The following ZCCHC24 variants were observed in gnomAD, a reference collection of about 807,000 sequenced individuals.
ZCCHC24 encodes the protein zinc finger CCHC-type containing 24, also known as zinc finger CCHC domain-containing protein 24.
A neutral mutation model predicts 26.2 loss-of-function variants in ZCCHC24; 10 were observed. The ratio of observed to expected loss-of-function variants is 0.38; its 90% CI spans 0.24 to 0.65. The LOEUF (loss-of-function observed/expected upper bound fraction) is 0.65, where lower values mean the gene tolerates loss of function less well. Ranked by LOEUF, ZCCHC24 falls within the 30% of genes least tolerant of loss-of-function variation. ZCCHC24 has a pLI of 0.54. For missense variants in ZCCHC24, 243 were observed against 329.1 expected, an observed-to-expected ratio of 0.74 and a Z score of 2.03; for synonymous variants, 144 against 147.1, an observed-to-expected ratio of 0.98 and a Z score of 0.15.
At chr10:79,433,641 A>C (rs1039365199) in intron 1 of ZCCHC24, among the ~76,000 whole-genome samples, 6 of 152,318 alleles carry the variant, frequency 3.9e-5, no homozygotes, top group African/African-American at 1.4e-4. Flanking sequence ...AGGGTCAACA[A>C]CAAATCTGGG....
At chr10:79,434,042 C>T (rs1236947624) in intron 1 of ZCCHC24, among the ~76,000 whole-genome samples, 1 of 152,226 alleles carries the variant, frequency 6.6e-6, no homozygotes, top group Non-Finnish European at 1.5e-5. Flanking sequence ...AGACATGGTC[C>T]TCATCATCTG....
chr10:79,405,547 G>A (rs999681150), intron 2 of ZCCHC24, among the ~76,000 whole-genome samples: 2 of 152,252 alleles, frequency 1.3e-5, no homozygotes, highest in Non-Finnish European at 2.9e-5. Flanking sequence ...CACCCTGGAC[G>A]GCTGTCTTGA....
At chr10:79,433,276 T>C (rs1857161591) in intron 1 of ZCCHC24, among the ~76,000 whole-genome samples, 1 of 152,220 alleles carries the variant, frequency 6.6e-6, no homozygotes, top group African/African-American at 2.4e-5. Flanking sequence ...TGCTCCCGCT[T>C]CACACTAGAC....
rs1050301980 is a variant in ZCCHC24, at chr10:79,382,640, G to C, written c.*3705C>G. On this transcript the variant is annotated 3_prime_UTR_variant, in exon 4 of 4. Coordinates refer to ENST00000372336, the MANE Select transcript of ZCCHC24 (RefSeq NM_153367.4). ...GCCACAGCCCCCAGGGGACCGCTTG[G>C]CCATCTCGCTGAAGGCTGGAACACC... is the stretch of plus-strand genomic sequence containing the variant. The C allele has an allele frequency of 6.5e-6, 1 of 152,888 alleles. No individual in the cohort carries two copies. The highest frequency in any genetic ancestry group is 2.4e-5 in the African/African-American group (1 of 41,472). The allele number at this position is 152,888 out of a possible 1,614,324, so 9.5% of individuals were successfully genotyped here.
At chr10:79,396,489 C>T (rs1014005819) in intron 2 of ZCCHC24, among the ~76,000 whole-genome samples, 33 of 152,210 alleles carry the variant, frequency 2.2e-4, no homozygotes, top group African/African-American at 7.5e-4. Context: ...CACCTCTGCT[C>T]CCACCAACTA....
chr10:79,445,124 C>T, intron 1 of ZCCHC24, 71 bp downstream of exon 1: 2 of 1,170,664 alleles, frequency 1.7e-6, no homozygotes, highest in Non-Finnish European at 2.1e-6. Flanking sequence ...GCGGGTCAGA[C>T]AGGGAACGGC....
chr10:79,402,018 AG>A (rs1378275102), intron 2 of ZCCHC24, among the ~76,000 whole-genome samples: 1 of 152,194 alleles, frequency 6.6e-6, no homozygotes, highest in Non-Finnish European at 1.5e-5. Flanking sequence ...CAGAGGCCAC[AG>A]GGGTGGGGCA....
At chr10:79,442,697 C>T (rs973861583) in intron 1 of ZCCHC24, among the ~76,000 whole-genome samples, 1 of 152,362 alleles carries the variant, frequency 6.6e-6, no homozygotes, top group African/African-American at 2.4e-5. Flanking sequence ...CCGGCCCACA[C>T]ACGACTTGCT....
At position 79,425,560 on chromosome 10, in the gene ZCCHC24, C is replaced by T. The variant is rs143465771; in HGVS notation, c.447+6998G>A. 2.5e-3 allele frequency among the ~76,000 whole-genome samples: 383 copies of T among 152,282 alleles called. 2 individuals carry two copies. The highest frequency in any genetic ancestry group is 8.5e-3 in the African/African-American group (354 of 41,552). ...TGCAGGATGATATTGAAAAAGCATG[C>T]GCTCTGGAATCAGGAGCACCTGAGT... is the stretch of plus-strand genomic sequence containing the variant. On this transcript the variant is annotated intron_variant, in intron 2 of 3. Transcript: ENST00000372336.
Position 79,439,064 on chromosome 10 carries a change from C to A in ZCCHC24, c.246+6131G>T, listed in dbSNP as rs1425479983. On this transcript the variant is annotated intron_variant, in intron 1 of 3. Transcript: ENST00000372336. Reference sequence around the variant, plus strand: ...CCACTGAGGCTTGCAGCCTCCATTGCAGGGATCCTTGATCTGTGATCCACT... The same window carrying A: ...CCACTGAGGCTTGCAGCCTCCATTGAAGGGATCCTTGATCTGTGATCCACT... Among the ~76,000 whole-genome samples, 13 of 152,352 alleles carry A rather than the reference C, an allele frequency of 8.5e-5. No individual in the cohort carries two copies. In the East Asian group the frequency reaches 2.3e-3, roughly 27 times the overall value.
chr10:79,392,323 C>T (rs1856490076), intron 3 of ZCCHC24, among the ~76,000 whole-genome samples: 1 of 152,160 alleles, frequency 6.6e-6, no homozygotes, highest in Non-Finnish European at 1.5e-5. Flanking sequence ...GGTGGTCCAG[C>T]CAGCTTTCCC....
Position 79,398,283 on chromosome 10 carries a change from A to C in ZCCHC24, c.448-3843T>G, listed in dbSNP as rs549395011. On this transcript the variant is annotated intron_variant, in intron 2 of 3. Coordinates refer to ENST00000372336, the MANE Select transcript of ZCCHC24 (RefSeq NM_153367.4). ...TGACTATCCAGGGAGTTCCTCGCCA[A>C]GTTATTCAAACTCTCTGTGCCTTGG... Among the ~76,000 whole-genome samples, 9 of 152,338 alleles carry C rather than the reference A, an allele frequency of 5.9e-5. No individual in the cohort carries two copies. The South Asian group carries it at 1.7e-3, about 28-fold the overall frequency.
intron 2 of ZCCHC24, chr10:79,403,320 GAC>G: frequency 2.2e-6 from 2 of 902,446 alleles, no homozygotes; most frequent in African/African-American, 3.6e-5. Context: ...TGAGGCTCGA[GAC>G]AGGGGCAGCA....
chr10:79,421,211 C>T (rs1323314240), intron 2 of ZCCHC24, among the ~76,000 whole-genome samples: 1 of 152,246 alleles, frequency 6.6e-6, no homozygotes, highest in East Asian at 1.9e-4. Context: ...CAACACCCAT[C>T]CCAGCTGACA....
intron 2 of ZCCHC24, among the ~76,000 whole-genome samples, chr10:79,399,247 A>G (rs1033671320): frequency 4.6e-5 from 7 of 152,218 alleles, no homozygotes; most frequent in African/African-American, 1.7e-4. Context: ...ATGCTTACAA[A>G]TGAGGGCAGG....
intron 2 of ZCCHC24, among the ~76,000 whole-genome samples, chr10:79,411,067 C>T (rs55987388): frequency 0.13 from 20,307 of 152,032 alleles, 1,710 homozygotes; most frequent in African/African-American, 0.23. Flanking sequence ...CAGTGATGGA[C>T]GGAAGGAGGA....
intron 3 of ZCCHC24, among the ~76,000 whole-genome samples, chr10:79,393,095 C>T (rs1856501300): frequency 6.6e-6 from 1 of 152,178 alleles, no homozygotes; most frequent in Admixed American, 6.5e-5. Flanking sequence ...GATTCAGCAT[C>T]ACTTGGTCTA....
intron 2 of ZCCHC24, among the ~76,000 whole-genome samples, chr10:79,427,409 A>G (rs1435766349): frequency 2.0e-5 from 3 of 152,216 alleles, no homozygotes; most frequent in Non-Finnish European, 2.9e-5. Flanking sequence ...TGCACACAAA[A>G]CATTCTCCAG....
chr10:79,404,482 G>A (rs1280065000), intron 2 of ZCCHC24, among the ~76,000 whole-genome samples: 1 of 152,178 alleles, frequency 6.6e-6, no homozygotes, highest in Non-Finnish European at 1.5e-5. Context: ...AAAAGACAGA[G>A]GTTTCCTCCG....
Sources: allele counts gnomAD v4.1 joint callset (sites outside exome capture counted in the v4.1 genomes callset), GRCh38; gene constraint gnomAD v4.1.1; transcripts MANE v1.5; gene names NCBI Gene and HGNC (gene_info 2026-07-23, HGNC 2026-07-21).